MORN1: variants seen among roughly 807,000 people sequenced by gnomAD.
MORN1 encodes the protein MORN repeat containing 1.
In MORN1, 67 loss-of-function variants were observed where a neutral mutation model predicts 61.9. The observed-to-expected ratio is 1.08, with a 90% CI of 0.89 to 1.33. MORN1 has a LOEUF of 1.33. Among genes scored for constraint, MORN1 ranks in the 40% most tolerant of loss-of-function variants. The probability of loss-of-function intolerance (pLI) is 0.00; values close to 1 mark genes in which losing one functional copy is unlikely to be tolerated. For synonymous variants in MORN1, 301 were observed against 292.0 expected, an observed-to-expected ratio of 1.03 and a Z score of -0.31; for missense variants, 752 against 691.2, an observed-to-expected ratio of 1.09 and a Z score of -0.99.
intron 13 of MORN1, among the ~76,000 whole-genome samples, chr1:2,321,857 C>T (rs573300795): frequency 6.6e-6 from 1 of 152,346 alleles, no homozygotes; most frequent in African/African-American, 2.4e-5. Flanking sequence ...TGGCCTCCAG[C>T]TCGGAGGCTG....
intron 13 of MORN1, 91 bp downstream of exon 13, chr1:2,324,006 T>C: frequency 6.8e-6 from 10 of 1,473,768 alleles, no homozygotes; most frequent in Non-Finnish European, 9.0e-6. Context: ...CCGGGCCGAG[T>C]TCCCCCAACC....
chr1:2,374,765 A>G (rs1247586965), intron 6 of MORN1: 2 of 544,602 alleles, frequency 3.7e-6, no homozygotes, highest in Non-Finnish European at 6.5e-6. Flanking sequence ...TTTGCAAAAT[A>G]TACTCCCTTT....
chr1:2,333,655 T>C (rs1641208008), intron 12 of MORN1, among the ~76,000 whole-genome samples: 1 of 152,178 alleles, frequency 6.6e-6, no homozygotes, highest in Admixed American at 6.5e-5. Flanking sequence ...GAGCCGGCCC[T>C]TGCCCCTGCC....
chr1:2,387,659 A>G, intron 3 of MORN1, 130 bp from the exon 4 acceptor site: 1 of 678,836 alleles, frequency 1.5e-6, no homozygotes, highest in South Asian at 1.6e-5. Flanking sequence ...CCTCCATCAT[A>G]CTACTCAGTC....
At chr1:2,332,669 T>C (rs1440603210) in intron 12 of MORN1, 2 of 456,302 alleles carry the variant, frequency 4.4e-6, no homozygotes, top group African/African-American at 2.0e-5. Context: ...TCACTTGGTC[T>C]CCTGTTGTCC....
At chr1:2,350,288 A>G (rs1044686916) in intron 10 of MORN1, 1 of 152,280 alleles carries the variant, frequency 6.6e-6, no homozygotes, top group African/African-American at 2.4e-5. Flanking sequence ...TCTCAACGAA[A>G]TGCAAATCCT....
chr1:2,340,764 G>T (rs35355649), intron 10 of MORN1, among the ~76,000 whole-genome samples: 33,934 of 151,968 alleles, frequency 0.22, 4,026 homozygotes, highest in Non-Finnish European at 0.27. Flanking sequence ...AGGCCACGGC[G>T]AGGGCCGCCA....
rs900171656 is a variant in MORN1 at position 2,337,579 on chromosome 1, G to C, written c.1037-729C>G. On this transcript the variant is annotated intron_variant, in intron 10 of 13. Transcript: ENST00000378531. The surrounding 1 kb of genome is among the most constrained non-coding windows in gnomAD (Gnocchi z 5.7). Reference sequence around the variant, plus strand: ...AGCTGCAGCCCCCAGGGCCCACCCTGCTGTCTCTTTTACAAGGATGGTCAG... The same window carrying C: ...AGCTGCAGCCCCCAGGGCCCACCCTCCTGTCTCTTTTACAAGGATGGTCAG... Among the ~76,000 whole-genome samples the C allele has an allele frequency of 1.3e-5, 2 of 152,184 alleles. No individual in the cohort carries two copies. Among genetic ancestry groups the C allele is most frequent in the African/African-American group, 2.4e-5 (1 of 41,450 alleles).
rs1264168885 is a variant in MORN1, at chr1:2,321,664, G to T, written c.1298-85C>A. ...CAGCCCACTGCCCACTGTCTCATGT[G>T]CCCGCTGGCCCCTGTGCCCCCGACC... On this transcript the variant is annotated intron_variant, in intron 13 of 13. Transcript: ENST00000378531. 3.6e-6 allele frequency: 5 copies of T among 1,396,942 alleles called. No homozygotes were observed. In the African/African-American group the frequency reaches 7.5e-5, roughly 21 times the overall value. 86.5% of individuals were successfully genotyped at this position (1,396,942 alleles called of 1,614,324 possible). A position where few individuals can be genotyped will look rare whatever the true frequency, so the allele number is the denominator to read the frequency against.
intron 10 of MORN1, among the ~76,000 whole-genome samples, chr1:2,340,638 C>A (rs1271367149): frequency 2.0e-5 from 3 of 152,222 alleles, no homozygotes; most frequent in Non-Finnish European, 4.4e-5. Flanking sequence ...CTCAAGGCAG[C>A]AGGTGGACCT....
At chr1:2,325,142 CCCT>C (rs1557865247) in intron 12 of MORN1, among the ~76,000 whole-genome samples, 3 of 97,106 alleles carry the variant, frequency 3.1e-5, no homozygotes, top group Admixed American at 1.0e-4. Flanking sequence ...TTCCCTCCCT[CCCT>C]CCCTTCCTTC....
In MORN1 at chr1:2,373,845, C is replaced by G. The variant is rs1410868299; in HGVS notation, c.634+616G>C. Among the ~76,000 whole-genome samples, 2 of 152,218 alleles carry G rather than the reference C, an allele frequency of 1.3e-5. 1 individual carries two copies. Among genetic ancestry groups the G allele is most frequent in the South Asian group, 4.1e-4 (2 of 4,830 alleles). ...CTCTCCCAGCTAACAGGTCTTGGTC[C>G]CCCAAGGTCCTCCAACCCAGGAGGT... is the stretch of plus-strand genomic sequence containing the variant. On this transcript the variant is annotated intron_variant, in intron 7 of 13. Coordinates refer to ENST00000378531, the MANE Select transcript of MORN1 (RefSeq NM_024848.3).
intron 6 of MORN1, chr1:2,378,970 G>A (rs757614713): frequency 1.3e-5 from 6 of 467,382 alleles, no homozygotes; most frequent in South Asian, 4.6e-5. Context: ...CTTATTTTCC[G>A]TCAGAAGAAG....
intron 10 of MORN1, among the ~76,000 whole-genome samples, chr1:2,348,261 G>A (rs1013213423): frequency 1.3e-5 from 2 of 152,198 alleles, no homozygotes; most frequent in African/African-American, 2.4e-5. Flanking sequence ...CCCGGGTTAC[G>A]CATCTTTGGC....
rs773011109 is a variant in MORN1 at position 2,357,592 on chromosome 1, G to A, written c.876C>T (p.Phe292=). ...TGGACACAGGATAAGGGATGCATTC[G>A]AACCCACTGCAAAGGAATGGGGGCA... is the stretch of plus-strand genomic sequence containing the variant. ...QETLIQTPFG[F]ECIPYPVSSP... Residue 292 remains phenylalanine, a synonymous_variant, in exon 10 of 14, where the codon TTC becomes TTT. Transcript: ENST00000378531. This position sits in a 1 kb window ranked among gnomAD's most constrained non-coding sequence, Gnocchi z 6.3. 7 of 1,591,544 alleles carry A rather than the reference G, an allele frequency of 4.4e-6. No individual in the cohort carries two copies. Among genetic ancestry groups the A allele is most frequent in the East Asian group, 4.5e-5 (2 of 44,378 alleles).
rs1219932530 is a variant in MORN1, at chr1:2,337,618, A to T, written c.1037-768T>A. ...AAGGATGGTCAGTGGCTGAGCCTGAAGGAGATAACTTCAGTGCAGCCCCTC... is the reference window on the plus strand; with the variant it reads ...AAGGATGGTCAGTGGCTGAGCCTGATGGAGATAACTTCAGTGCAGCCCCTC... On this transcript the variant is annotated intron_variant, in intron 10 of 13. Transcript: ENST00000378531. The surrounding 1 kb of genome is among the most constrained non-coding windows in gnomAD (Gnocchi z 5.7). Among the ~76,000 whole-genome samples, 1 of 152,178 alleles carries T rather than the reference A, an allele frequency of 6.6e-6. No homozygotes were observed. The highest frequency in any genetic ancestry group is 1.5e-5 in the Non-Finnish European group (1 of 68,028).
chr1:2,386,010 G>C, intron 4 of MORN1, 113 bp from the exon 5 acceptor site: 1 of 870,678 alleles, frequency 1.1e-6, no homozygotes. Flanking sequence ...AAGTCTAGGA[G>C]GCATGGGGCT....
chr1:2,335,839 A>AGCCCGGCCCG (rs534524869), intron 12 of MORN1, among the ~76,000 whole-genome samples: 9 of 149,972 alleles, frequency 6.0e-5, no homozygotes, highest in African/African-American at 2.3e-4. Context: ...AGCCCAGCCC[A>AGCCCGGCCCG]GCCCAGCGCG....
intron 8 of MORN1, among the ~76,000 whole-genome samples, chr1:2,368,193 A>G (rs1642037382): frequency 6.6e-6 from 1 of 152,214 alleles, no homozygotes; most frequent in Non-Finnish European, 1.5e-5. Context: ...CGACATCTTG[A>G]TGCAGAGCAG....
Sources: allele counts gnomAD v4.1 joint callset (sites outside exome capture counted in the v4.1 genomes callset), GRCh38; gene constraint gnomAD v4.1.1; non-coding constraint Gnocchi (gnomAD v3.1); transcripts MANE v1.5; gene names NCBI Gene and HGNC (gene_info 2026-07-23, HGNC 2026-07-21).